Variants in BBX observed in about 807,000 individuals in gnomAD.
BBX encodes HMG box transcription factor BBX.
BBX carries 30 observed loss-of-function variants against 100.2 expected under a neutral mutation model. The observed-to-expected ratio is 0.30, with a 90% CI of 0.22 to 0.41. The LOEUF is 0.41. Among genes scored for constraint, BBX ranks in the 10% least tolerant of loss-of-function variants. The pLI is 1.00. For missense variants in BBX, 1,023 were observed against 1,129.8 expected, an observed-to-expected ratio of 0.91 and a Z score of 1.35; for synonymous variants, 376 against 388.1, an observed-to-expected ratio of 0.97 and a Z score of 0.37.
At chr3:107,691,111 T>G (rs1184258709) in intron 3 of BBX, among the ~76,000 whole-genome samples, 2 of 151,966 alleles carry the variant, frequency 1.3e-5, no homozygotes, top group African/African-American at 4.8e-5. Context: ...CTGATTATGT[T>G]GCCTAGGCTG....
chr3:107,759,979 A>G (rs1055148405), intron 10 of BBX, among the ~76,000 whole-genome samples: 2 of 152,232 alleles, frequency 1.3e-5, no homozygotes, highest in Non-Finnish European at 2.9e-5. Flanking sequence ...ACTGGCATTT[A>G]TTATCTGCTG....
intron 7 of BBX, among the ~76,000 whole-genome samples, chr3:107,743,921 T>TTTTTTTTTTTTTTTTTTTG (rs2064339568): frequency 2.4e-5 from 1 of 41,030 alleles, no homozygotes. Flanking sequence ...TTTAGTGGTT[T>TTTTTTTTTTTTTTTTTTTG]TTTTTTTTTT....
chr3:107,612,925 A>G (rs888855882), intron 2 of BBX, among the ~76,000 whole-genome samples: 9 of 152,190 alleles, frequency 5.9e-5, no homozygotes, highest in South Asian at 2.1e-4. Context: ...ATGGTGCTCT[A>G]TTTTACTGCA....
At chr3:107,725,289 C>G (rs546184538) in intron 5 of BBX, among the ~76,000 whole-genome samples, 144 of 152,276 alleles carry the variant, frequency 9.5e-4, no homozygotes, top group South Asian at 1.9e-3. Flanking sequence ...AGTTGCTTAT[C>G]AGCTTAAGGA....
rs9878595 is a variant in BBX at position 107,757,250 on chromosome 3, G to C, written c.906+1572G>C. Among the ~76,000 whole-genome samples the C allele has an allele frequency of 9.2e-5, 14 of 151,620 alleles. No individual in the cohort carries two copies. In the East Asian group the frequency reaches 9.7e-4, roughly 11 times the overall value. On this transcript the variant is annotated intron_variant, in intron 10 of 17. Transcript: ENST00000325805. ...TTTGGGGTACTTTGCTGCATGGGGG[G>C]GCTGGTAAAGAAGTGGATTCGTCAT...
At chr3:107,607,604 G>C (rs1318682409) in intron 2 of BBX, among the ~76,000 whole-genome samples, 1 of 152,130 alleles carries the variant, frequency 6.6e-6, no homozygotes, top group East Asian at 1.9e-4. Flanking sequence ...TTATGTGGTA[G>C]CTCTATTTTT....
intron 2 of BBX, among the ~76,000 whole-genome samples, chr3:107,627,304 A>G (rs2056250789): frequency 6.6e-6 from 1 of 152,224 alleles, no homozygotes; most frequent in Non-Finnish European, 1.5e-5. Context: ...AGAAGAAATC[A>G]ATTTCTGGCT....
chr3:107,594,264 C>G (rs2107600541), intron 2 of BBX, among the ~76,000 whole-genome samples: 1 of 152,288 alleles, frequency 6.6e-6, no homozygotes, highest in South Asian at 2.1e-4. Context: ...CAGTTGCAGG[C>G]CTCCATTTAG....
chr3:107,796,810 A>G (rs575296697), intron 15 of BBX, among the ~76,000 whole-genome samples: 237 of 152,324 alleles, frequency 1.6e-3, no homozygotes, highest in African/African-American at 4.9e-3. Flanking sequence ...AAGTATAATA[A>G]CTGAGTAAAT....
intron 8 of BBX, among the ~76,000 whole-genome samples, chr3:107,746,547 G>A (rs1284641933): frequency 6.6e-6 from 1 of 152,034 alleles, no homozygotes; most frequent in Non-Finnish European, 1.5e-5. Context: ...AGATTAAAAA[G>A]CACAGTAGAA....
At chr3:107,584,166 TTATTA>T (rs1247791184) in intron 2 of BBX, among the ~76,000 whole-genome samples, 1 of 31,630 alleles carries the variant, frequency 3.2e-5, no homozygotes, top group South Asian at 6.2e-4. Flanking sequence ...GATATATATA[TTATTA>T]TATATATTAT....
At chr3:107,609,954 A>G (rs925779518) in intron 2 of BBX, among the ~76,000 whole-genome samples, 2 of 151,934 alleles carry the variant, frequency 1.3e-5, no homozygotes, top group African/African-American at 4.8e-5. Flanking sequence ...AGATGCATCA[A>G]CATATAGTTT....
intron 3 of BBX, among the ~76,000 whole-genome samples, chr3:107,668,779 C>G (rs1185721112): frequency 6.6e-6 from 1 of 152,158 alleles, no homozygotes; most frequent in East Asian, 1.9e-4. Context: ...AAAAATGTGC[C>G]GGAGACTTTT....
intron 13 of BBX, among the ~76,000 whole-genome samples, chr3:107,782,158 T>A (rs886427729): frequency 1.3e-5 from 2 of 152,142 alleles, no homozygotes; most frequent in Admixed American, 6.6e-5. Context: ...TTTGAGTTCC[T>A]TAACAATGCA....
intron 2 of BBX, among the ~76,000 whole-genome samples, chr3:107,644,234 T>C (rs1334711369): frequency 6.6e-6 from 1 of 152,164 alleles, no homozygotes; most frequent in African/African-American, 2.4e-5. Flanking sequence ...ATGTATAGGG[T>C]ATTTTATTTC....
intron 2 of BBX, among the ~76,000 whole-genome samples, chr3:107,593,805 A>C (rs2053498321): frequency 6.6e-6 from 1 of 152,162 alleles, no homozygotes; most frequent in Admixed American, 6.5e-5. Flanking sequence ...CCCCCCAAAA[A>C]CCAAACAGGC....
intron 11 of BBX, 150 bp from the exon 12 acceptor site, chr3:107,774,569 C>G: frequency 1.3e-6 from 1 of 756,536 alleles, no homozygotes; most frequent in South Asian, 2.4e-5. Flanking sequence ...GATGGTCCAG[C>G]ATGAATCACT....
At chr3:107,624,352 T>TA (rs2056010211) in intron 2 of BBX, among the ~76,000 whole-genome samples, 1 of 152,240 alleles carries the variant, frequency 6.6e-6, no homozygotes, top group Admixed American at 6.5e-5. Flanking sequence ...TGTGTGTGTT[T>TA]AAAAATTTTT....
At chr3:107,714,267 C>A (rs1346745464) in intron 4 of BBX, among the ~76,000 whole-genome samples, 1 of 152,152 alleles carries the variant, frequency 6.6e-6, no homozygotes, top group Non-Finnish European at 1.5e-5. Context: ...CCACCACACC[C>A]AACCTGATTT....
Sources: allele counts gnomAD v4.1 joint callset (sites outside exome capture counted in the v4.1 genomes callset), GRCh38; gene constraint gnomAD v4.1.1; transcripts MANE v1.5; gene names NCBI Gene and HGNC (gene_info 2026-07-23, HGNC 2026-07-21).